The following AGBL1 variants were observed in gnomAD, a reference collection of about 807,000 sequenced individuals.
AGBL1 encodes AGBL carboxypeptidase 1.
A neutral mutation model predicts 118.9 loss-of-function variants in AGBL1; 130 were observed. The ratio of observed to expected loss-of-function variants is 1.09; its 90% CI spans 0.95 to 1.26. AGBL1 has a LOEUF of 1.26. Among genes scored for constraint, AGBL1 ranks in the 50% most tolerant of loss-of-function variants. The pLI, the probability that AGBL1 is intolerant of heterozygous loss-of-function variation, is 0.00. For missense variants in AGBL1, 1,584 were observed against 1,298.1 expected, an observed-to-expected ratio of 1.22 and a Z score of -3.38; for synonymous variants, 555 against 478.9, an observed-to-expected ratio of 1.16 and a Z score of -2.08.
At chr15:86,103,404 G>A (rs778810995) in intron 1 of AGBL1, among the ~76,000 whole-genome samples, 15 of 152,022 alleles carry the variant, frequency 9.9e-5, no homozygotes, top group East Asian at 1.9e-4. Flanking sequence ...TGGAGGTGTC[G>A]TGTTTCCTTG....
intron 22 of AGBL1, among the ~76,000 whole-genome samples, chr15:86,785,287 G>A (rs1429828113): frequency 1.3e-5 from 2 of 151,894 alleles, no homozygotes; most frequent in African/African-American, 2.4e-5. Flanking sequence ...GGAAAATCTG[G>A]CTGACCGTCG....
chr15:86,916,311 A>C (rs1162768348), downstream of AGBL1, among the ~76,000 whole-genome samples: 3 of 152,226 alleles, frequency 2.0e-5, no homozygotes, highest in African/African-American at 7.2e-5. Context: ...GGTTGCTGCT[A>C]CCAGCTCACA....
chr15:86,920,621 A>C (rs752310500), downstream of AGBL1, among the ~76,000 whole-genome samples: 68 of 152,352 alleles, frequency 4.5e-4, no homozygotes, highest in Middle Eastern at 6.8e-3. Context: ...TCCAAGTGCT[A>C]GGAACAGTTT....
chr15:86,102,032 C>T (rs924415742), intron 1 of AGBL1, among the ~76,000 whole-genome samples: 4 of 150,852 alleles, frequency 2.7e-5, no homozygotes, highest in Non-Finnish European at 4.4e-5. Context: ...TCCTTTCTCT[C>T]TCTCTCTCTT....
chr15:86,235,504 T>C (rs1035666141), intron 6 of AGBL1, among the ~76,000 whole-genome samples: 1 of 152,182 alleles, frequency 6.6e-6, no homozygotes, highest in African/African-American at 2.4e-5. Context: ...AGATAAATTA[T>C]CACAAAGATT....
chr15:86,846,175 C>T (rs1021986094), intron 22 of AGBL1, among the ~76,000 whole-genome samples: 5 of 152,164 alleles, frequency 3.3e-5, no homozygotes, highest in African/African-American at 1.2e-4. Context: ...AATGACTCTT[C>T]AGTATTTCCT....
At chr15:86,753,759 C>G (rs1567157505) in intron 22 of AGBL1, among the ~76,000 whole-genome samples, 1 of 151,968 alleles carries the variant, frequency 6.6e-6, no homozygotes, top group Non-Finnish European at 1.5e-5. Context: ...GAGAGATGCC[C>G]CTTTATCTCA....
intron 20 of AGBL1, among the ~76,000 whole-genome samples, chr15:86,547,909 G>A (rs2083607419): frequency 6.6e-6 from 1 of 152,228 alleles, no homozygotes; most frequent in Middle Eastern, 3.4e-3. Flanking sequence ...ATATGGTTTG[G>A]TCACATCCCT....
chr15:86,264,115 G>A (rs887697342), intron 10 of AGBL1, 143 bp from the exon 11 acceptor site: 1 of 693,284 alleles, frequency 1.4e-6, no homozygotes. Context: ...TTGAAGGTTA[G>A]TCTTTAGTTG....
intron 18 of AGBL1, among the ~76,000 whole-genome samples, chr15:86,486,358 A>G (rs960221136): frequency 1.4e-4 from 21 of 152,082 alleles, no homozygotes; most frequent in African/African-American, 4.8e-4. Context: ...TCCTCTTCTA[A>G]AATCTTTCCT....
chr15:86,126,507 G>A (rs914526441), intron 1 of AGBL1, among the ~76,000 whole-genome samples: 3 of 152,188 alleles, frequency 2.0e-5, no homozygotes, highest in Non-Finnish European at 4.4e-5. Context: ...AGATGGTAGA[G>A]TCTATATGAA....
chr15:86,313,547 T>C (rs2079952946), intron 17 of AGBL1, among the ~76,000 whole-genome samples: 2 of 152,256 alleles, frequency 1.3e-5, no homozygotes, highest in African/African-American at 4.8e-5. Flanking sequence ...AGCTGTGATG[T>C]AATGATTTGC....
intron 3 of AGBL1, among the ~76,000 whole-genome samples, chr15:86,146,195 C>T (rs1204302309): frequency 1.3e-5 from 2 of 152,194 alleles, no homozygotes; most frequent in African/African-American, 4.8e-5. Context: ...GTGGGTTCTG[C>T]ACCCATGGAT....
At chr15:86,173,345 TC>T (rs1471707653) in intron 5 of AGBL1, 1 of 152,094 alleles carries the variant, frequency 6.6e-6, no homozygotes, top group African/African-American at 2.4e-5. Context: ...TGGTTATTAG[TC>T]CCCCGCCAGA....
intron 6 of AGBL1, among the ~76,000 whole-genome samples, chr15:86,233,130 G>T (rs759479888): frequency 6.6e-6 from 1 of 152,166 alleles, no homozygotes. Context: ...TTTGAACTCA[G>T]TTGTGACCAT....
intron 21 of AGBL1, among the ~76,000 whole-genome samples, chr15:86,636,451 G>A (rs1446349033): frequency 1.3e-5 from 2 of 149,648 alleles, no homozygotes; most frequent in Non-Finnish European, 3.0e-5. Context: ...CAGGAGAGGA[G>A]AAGAGGGGAC....
At chr15:86,792,890 C>T (rs1015484388) in intron 22 of AGBL1, among the ~76,000 whole-genome samples, 1 of 152,072 alleles carries the variant, frequency 6.6e-6, no homozygotes, top group Admixed American at 6.5e-5. Flanking sequence ...ATATTATCAA[C>T]AAAAATATAG....
At chr15:86,644,965 G>C (rs978468451) in intron 21 of AGBL1, among the ~76,000 whole-genome samples, 1 of 152,012 alleles carries the variant, frequency 6.6e-6, no homozygotes, top group African/African-American at 2.4e-5. Flanking sequence ...AGGTTGCAGC[G>C]AGCGGAGATC....
rs189188794 is a variant in AGBL1, at chr15:86,765,753, T to C, written c.3158+91317T>C. 5.0e-3 allele frequency among the ~76,000 whole-genome samples: 752 copies of C among 151,584 alleles called. 4 individuals are homozygous for C. The highest frequency in any genetic ancestry group is 0.017 in the Middle Eastern group (5 of 294). On this transcript the variant is annotated intron_variant, in intron 22 of 22. Coordinates refer to ENST00000614907, the MANE Select transcript of AGBL1 (RefSeq NM_001386094.1). ...TCATGGCAGTGTAGATGTTATCTTA[T>C]TGGAGTATGAATCTGAAGAAGAAAG...
Sources: gnomAD v4.1 joint callset for allele counts (sites outside exome capture counted in the v4.1 genomes callset) on GRCh38, gnomAD v4.1.1 for gene constraint, MANE v1.5 for transcripts, NCBI Gene and HGNC (gene_info 2026-07-23, HGNC 2026-07-21) for gene names.